GCNT4: variants seen among roughly 807,000 people sequenced by gnomAD.
GCNT4 encodes the protein beta-1,3-galactosyl-O-glycosyl-glycoprotein beta-1,6-N-acetylglucosaminyltransferase 4.
A neutral mutation model predicts 31.3 loss-of-function variants in GCNT4; 17 were observed. That is an observed-to-expected ratio of 0.54 (90% CI 0.37 to 0.81). The LOEUF (loss-of-function observed/expected upper bound fraction) is 0.81. Among genes scored for constraint, GCNT4 ranks in the 40% least tolerant of loss-of-function variants. The pLI is 0.00. For missense variants in GCNT4, 503 were observed against 525.5 expected (o/e 0.96, Z 0.42); for synonymous variants, 158 against 190.6 (o/e 0.83, Z 1.41).
At chr5:75,032,872 G>GGTGGGT (rs55942109) in intron 3 of GCNT4, among the ~76,000 whole-genome samples, 9,120 of 130,624 alleles carry the variant, frequency 0.07, 435 homozygotes, top group Middle Eastern at 0.095. Context: ...CCCAAATAGG[G>GGTGGGT]GTGTGTGTGT....
At chr5:75,019,838 A>G in the GCNT4 span, among the ~76,000 whole-genome samples, 1 of 152,250 alleles carries the variant, frequency 6.6e-6, no homozygotes, top group African/African-American at 2.4e-5. Context: ...TGACAGTGCT[A>G]AATGAGAGTA....
downstream of GCNT4, among the ~76,000 whole-genome samples, chr5:75,023,315 A>C (rs1742901748): frequency 6.6e-6 from 1 of 152,224 alleles, no homozygotes; most frequent in Non-Finnish European, 1.5e-5. Context: ...AATTTCACAT[A>C]AGTAGAGGCT....
chr5:75,046,625 A>C (rs910138998), intron 3 of GCNT4, among the ~76,000 whole-genome samples: 1 of 152,274 alleles, frequency 6.6e-6, no homozygotes, highest in South Asian at 2.1e-4. Flanking sequence ...CCAAGAAGCA[A>C]TTCTCCAAAG....
chr5:75,032,066 C>G (rs1743075491), intron 3 of GCNT4, among the ~76,000 whole-genome samples: 1 of 152,010 alleles, frequency 6.6e-6, no homozygotes, highest in African/African-American at 2.4e-5. Flanking sequence ...GAATGAGATC[C>G]CACCTTCCTC....
upstream of GCNT4, among the ~76,000 whole-genome samples, chr5:75,053,648 T>C (rs1743641570): frequency 6.6e-6 from 1 of 151,830 alleles, no homozygotes; most frequent in Admixed American, 6.5e-5. Context: ...TCCGTCGCCC[T>C]GCTGGGGAGC....
chr5:75,024,384 C>G (rs1055150892), downstream of GCNT4, among the ~76,000 whole-genome samples: 1 of 152,096 alleles, frequency 6.6e-6, no homozygotes, highest in African/African-American at 2.4e-5. Flanking sequence ...GAAGATTCCC[C>G]AAATGCCCCA....
At chr5:75,044,668 C>T (rs1024915446) in intron 3 of GCNT4, among the ~76,000 whole-genome samples, 5 of 151,970 alleles carry the variant, frequency 3.3e-5, no homozygotes, top group Non-Finnish European at 5.9e-5. Context: ...TCAGCTTCAG[C>T]GTGCTGCATG....
the GCNT4 span, among the ~76,000 whole-genome samples, chr5:75,016,976 T>A: frequency 6.6e-6 from 1 of 152,178 alleles, no homozygotes. Flanking sequence ...TCTATTATTA[T>A]GAAAGAAGGA....
chr5:75,020,969 A>G (rs1253141546), downstream of GCNT4, among the ~76,000 whole-genome samples: 1 of 152,212 alleles, frequency 6.6e-6, no homozygotes, highest in Admixed American at 6.5e-5. Flanking sequence ...GAAACTTTCC[A>G]TAAGTTTTGT....
intron 3 of GCNT4, among the ~76,000 whole-genome samples, chr5:75,037,898 A>C (rs1006437927): frequency 2.0e-5 from 3 of 151,600 alleles, no homozygotes; most frequent in Non-Finnish European, 4.4e-5. Context: ...CAAAACAAAA[A>C]ACAAAAAAAA....
chr5:75,028,256 AT>A lies in GCNT4; in HGVS notation c.*419del. 1.8e-5 allele frequency: 3 copies of A among 166,570 alleles called. No individual in the cohort carries two copies. Among genetic ancestry groups the A allele is most frequent in the East Asian group, 1.8e-4 (1 of 5,606 alleles). 10.3% of individuals were successfully genotyped at this position (166,570 alleles called of 1,614,324 possible). A position where few individuals can be genotyped will look rare whatever the true frequency, so the allele number is the denominator to read the frequency against. On this transcript the variant is annotated 3_prime_UTR_variant, in exon 4 of 4. Transcript: ENST00000652361. The stretch of plus-strand genomic sequence containing the variant: ...CACAGTACTTAAACACTACTCTGAA[AT>A]GGGTGGTTTATATGATCAGACGATT...
chr5:75,028,452 T>G lies in GCNT4; in HGVS notation c.*224A>C. ...CTGACTGAATGTTTAAGATCTCTGA[T>G]TTGGCTCAGTGAGATTACAAGCAAA... On this transcript the variant is annotated 3_prime_UTR_variant, in exon 4 of 4. Coordinates refer to ENST00000652361, the MANE Select transcript of GCNT4 (RefSeq NM_001366737.1). 1.9e-6 allele frequency: 1 copy of G among 514,328 alleles called. No homozygotes were observed. The highest frequency in any genetic ancestry group is 3.2e-5 in the South Asian group (1 of 31,724). The allele number at this position is 514,328 out of a possible 1,614,324, so 31.9% of individuals were successfully genotyped here.
chr5:75,049,951 T>C (rs1457755220), intron 2 of GCNT4, among the ~76,000 whole-genome samples: 1 of 152,252 alleles, frequency 6.6e-6, no homozygotes, highest in Non-Finnish European at 1.5e-5. Context: ...CTGAGCACTT[T>C]ATGTGCTTGC....
intron 3 of GCNT4, among the ~76,000 whole-genome samples, chr5:75,045,400 C>T (rs73125238): frequency 0.022 from 3,281 of 152,294 alleles, 117 homozygotes; most frequent in African/African-American, 0.073. Flanking sequence ...CAATATTTGA[C>T]TGGCCTATTT....
chr5:75,048,152 G>T (rs1342328479), intron 2 of GCNT4, 115 bp from the exon 3 acceptor site: 2 of 152,178 alleles, frequency 1.3e-5, no homozygotes, highest in East Asian at 3.9e-4. Context: ...GACTGCAAAA[G>T]ATGCCAAGTT....
At chr5:75,023,255 T>C (rs1225262688), downstream of GCNT4, among the ~76,000 whole-genome samples, 2 of 152,210 alleles carry the variant, frequency 1.3e-5, no homozygotes, top group East Asian at 3.8e-4. Context: ...GGCAAAAGTC[T>C]TGGCTTACTT....
chr5:75,033,846 C>T (rs1743137824), intron 3 of GCNT4, among the ~76,000 whole-genome samples: 1 of 151,898 alleles, frequency 6.6e-6, no homozygotes, highest in East Asian at 1.9e-4. Flanking sequence ...TGCTCCTCAC[C>T]CCCCGATAGG....
upstream of GCNT4, among the ~76,000 whole-genome samples, chr5:75,053,476 G>A (rs1743636533): frequency 6.6e-6 from 1 of 152,092 alleles, no homozygotes; most frequent in East Asian, 1.9e-4. Flanking sequence ...CTCCAGCCCC[G>A]GGCGACCCTC....
chr5:75,036,069 G>A (rs954786371), intron 3 of GCNT4, among the ~76,000 whole-genome samples: 3 of 152,056 alleles, frequency 2.0e-5, no homozygotes, highest in Non-Finnish European at 4.4e-5. Flanking sequence ...AGTCAGTCCT[G>A]AGGAACCAGG....
Sources: gnomAD v4.1 joint callset for allele counts (sites outside exome capture counted in the v4.1 genomes callset) on GRCh38, gnomAD v4.1.1 for gene constraint, MANE v1.5 for transcripts, NCBI Gene and HGNC (gene_info 2026-07-23, HGNC 2026-07-21) for gene names.